OLFM3: variants seen among roughly 807,000 people sequenced by gnomAD.
OLFM3 encodes the protein noelin-3.
Under a neutral mutation model 48.6 loss-of-function variants are expected in OLFM3, and 20 were observed. The ratio of observed to expected loss-of-function variants is 0.41; its 90% CI spans 0.29 to 0.60. OLFM3 has a LOEUF of 0.60. Among genes scored for constraint, OLFM3 ranks in the 20% least tolerant of loss-of-function variants. The pLI is 0.28. For synonymous variants in OLFM3, 222 were observed against 198.1 expected, an observed-to-expected ratio of 1.12 and a Z score of -1.01; for missense variants, 437 against 544.3, an observed-to-expected ratio of 0.80 and a Z score of 1.96.
intron 1 of OLFM3, among the ~76,000 whole-genome samples, chr1:101,892,452 C>T (rs1570605116): frequency 6.6e-6 from 1 of 152,008 alleles, no homozygotes; most frequent in Admixed American, 6.6e-5. Context: ...AACAAACATA[C>T]TTTTCCTAAT....
chr1:101,865,861 A>T (rs1467724936), intron 1 of OLFM3, among the ~76,000 whole-genome samples: 2 of 152,240 alleles, frequency 1.3e-5, no homozygotes, highest in Non-Finnish European at 2.9e-5. Flanking sequence ...AAGGAAAATA[A>T]AGAATTTGTA....
chr1:101,805,189 G>T (rs938075485), intron 5 of OLFM3, among the ~76,000 whole-genome samples: 1 of 151,238 alleles, frequency 6.6e-6, no homozygotes, highest in African/African-American at 2.4e-5. Context: ...TGACCATTTG[G>T]TGCATATCAC....
At chr1:101,971,134 G>T (rs1660793135) in intron 1 of OLFM3, among the ~76,000 whole-genome samples, 1 of 152,138 alleles carries the variant, frequency 6.6e-6, no homozygotes, top group African/African-American at 2.4e-5. Flanking sequence ...AGTGCTGATG[G>T]CCAGGTATTA....
intron 1 of OLFM3, chr1:101,847,024 G>C (rs751610779): frequency 2.6e-6 from 4 of 1,559,704 alleles, no homozygotes; most frequent in Middle Eastern, 1.8e-4. Flanking sequence ...TCCCGGTGCC[G>C]GGCTGGCAGC....
intron 1 of OLFM3, among the ~76,000 whole-genome samples, chr1:101,962,480 T>A (rs1396225137): frequency 6.6e-6 from 1 of 152,192 alleles, no homozygotes; most frequent in Non-Finnish European, 1.5e-5. Flanking sequence ...GTACAAATGA[T>A]GCATGGATTA....
Position 101,896,168 on chromosome 1 carries a change from A to G in OLFM3, c.70-59143T>C, listed in dbSNP as rs147770421. Among the ~76,000 whole-genome samples the G allele has an allele frequency of 5.7e-3, 874 of 152,218 alleles. 12 individuals carry two copies. The highest frequency in any genetic ancestry group is 0.02 in the African/African-American group (829 of 41,552). ...CCAGTTAAATAATACAATTTAAATA[A>G]CATTAACATGGCACATGCACCTGCT... On this transcript the variant is annotated intron_variant, in intron 1 of 5. Transcript: ENST00000370103.
At chr1:101,862,446 T>C (rs150997892) in intron 1 of OLFM3, among the ~76,000 whole-genome samples, 383 of 152,348 alleles carry the variant, frequency 2.5e-3, no homozygotes, top group African/African-American at 8.8e-3. Flanking sequence ...AAGCAATTGT[T>C]ACTCTTACTA....
At chr1:101,960,599 G>C (rs546472725) in intron 1 of OLFM3, among the ~76,000 whole-genome samples, 19 of 152,290 alleles carry the variant, frequency 1.2e-4, no homozygotes, top group Admixed American at 1.1e-3. Context: ...TGTCCTAACA[G>C]AGTACTCTTA....
At chr1:101,877,840 T>C (rs1657363489) in intron 1 of OLFM3, among the ~76,000 whole-genome samples, 1 of 151,938 alleles carries the variant, frequency 6.6e-6, no homozygotes, top group Admixed American at 6.6e-5. Flanking sequence ...ATATTTTTTA[T>C]TAAATCTTAG....
chr1:101,825,971 C>T (rs540280582), intron 3 of OLFM3, among the ~76,000 whole-genome samples: 4 of 152,156 alleles, frequency 2.6e-5, no homozygotes, highest in Non-Finnish European at 5.9e-5. Context: ...ACTTCGACTC[C>T]ATTTATCTTA....
At chr1:101,812,597 A>G (rs539378704) in intron 4 of OLFM3, 2 of 985,504 alleles carry the variant, frequency 2.0e-6, no homozygotes, top group South Asian at 9.4e-5. Flanking sequence ...ACATTTCCAA[A>G]CAACCCACAG....
chr1:101,838,265 G>A (rs539881283), intron 1 of OLFM3, among the ~76,000 whole-genome samples: 4 of 152,210 alleles, frequency 2.6e-5, no homozygotes, highest in Non-Finnish European at 5.9e-5. Flanking sequence ...CACTATGTTG[G>A]CCAGCCTGGT....
chr1:101,890,470 T>C (rs1485020520), intron 1 of OLFM3, among the ~76,000 whole-genome samples: 1 of 151,964 alleles, frequency 6.6e-6, no homozygotes, highest in African/African-American at 2.4e-5. Flanking sequence ...CTTTTTAGAC[T>C]TTTCTATAAT....
rs375787577 is a variant in OLFM3 at position 101,804,316 on chromosome 1, G to A, written c.1299C>T (p.Leu433=). Residue 433 remains leucine (L), a synonymous_variant, in exon 6 of 6, where the codon CTC becomes CTT. Transcript: ENST00000370103. This position sits in a 1 kb window ranked among gnomAD's most constrained non-coding sequence, Gnocchi z 4.5. ...CCTGGTGGCCATTGTTCCAGGCATA[G>A]AGAGCTCGATCTCTTGCATTGTAGT... ...MLDYNARDRA[L]YAWNNGHQVL... is the part of the protein sequence containing the mutation. 1.3e-5 allele frequency: 21 copies of A among 1,612,100 alleles called. No individual in the cohort carries two copies. The African/African-American group carries it at 2.3e-4, about 17-fold the overall frequency.
chr1:101,813,654 C>T (rs1385780072), intron 4 of OLFM3, among the ~76,000 whole-genome samples: 1 of 152,040 alleles, frequency 6.6e-6, no homozygotes, highest in Non-Finnish European at 1.5e-5. Context: ...TTTGATTCTC[C>T]TCTGTGTAAT....
intron 1 of OLFM3, among the ~76,000 whole-genome samples, chr1:101,886,371 G>A (rs1233618641): frequency 6.6e-6 from 1 of 152,080 alleles, no homozygotes; most frequent in Admixed American, 6.6e-5. Flanking sequence ...CAGACATTAT[G>A]CAATGATACA....
intron 1 of OLFM3, among the ~76,000 whole-genome samples, chr1:101,968,799 C>T (rs77756452): frequency 0.027 from 4,132 of 152,238 alleles, 73 homozygotes; most frequent in Admixed American, 0.035. Flanking sequence ...AGCAACAGCT[C>T]CTTAACATTC....
At chr1:101,950,519 A>C (rs1428864886) in intron 1 of OLFM3, among the ~76,000 whole-genome samples, 1 of 151,420 alleles carries the variant, frequency 6.6e-6, no homozygotes, top group Non-Finnish European at 1.5e-5. Flanking sequence ...GCTCACTGCA[A>C]GCTCCGCCTC....
chr1:101,921,644 A>T (rs1375980293), intron 1 of OLFM3, among the ~76,000 whole-genome samples: 3 of 152,124 alleles, frequency 2.0e-5, no homozygotes, highest in African/African-American at 4.8e-5. Context: ...TACCTAAGAA[A>T]TTTTTTTTGT....
Sources: gnomAD v4.1 joint callset for allele counts (sites outside exome capture counted in the v4.1 genomes callset) on GRCh38, gnomAD v4.1.1 for gene constraint, Gnocchi (gnomAD v3.1) non-coding constraint, MANE v1.5 for transcripts, NCBI Gene and HGNC (gene_info 2026-07-23, HGNC 2026-07-21) for gene names.